The following STK32B variants were observed in gnomAD, a reference collection of about 807,000 sequenced individuals.
STK32B encodes serine/threonine kinase 32B, also known as serine/threonine-protein kinase 32B.
STK32B carries 43 observed loss-of-function variants against 52.6 expected under a neutral mutation model. The observed-to-expected ratio is 0.82, with a 90% CI of 0.64 to 1.05. The LOEUF (loss-of-function observed/expected upper bound fraction) is 1.05, where lower values mean the gene tolerates loss of function less well. Among genes scored for constraint, STK32B ranks in the 50% least tolerant of loss-of-function variants. STK32B has a pLI of 0.00. For missense variants in STK32B, 621 were observed against 534.6 expected (o/e 1.16, Z -1.59); for synonymous variants, 238 against 204.3 (o/e 1.17, Z -1.41).
intron 1 of STK32B, among the ~76,000 whole-genome samples, chr4:5,134,113 A>G (rs1427356346): frequency 5.9e-5 from 9 of 152,222 alleles, no homozygotes; most frequent in Admixed American, 5.9e-4. Context: ...ACAGAGATGC[A>G]TAAACTGGGC....
intron 1 of STK32B, among the ~76,000 whole-genome samples, chr4:5,085,591 C>T (rs1712690245): frequency 6.6e-6 from 1 of 152,152 alleles, no homozygotes; most frequent in African/African-American, 2.4e-5. Context: ...AAACAAACAC[C>T]AACAGGCCAT....
chr4:5,466,763 C>G lies in STK32B; in HGVS notation c.970C>G (p.Pro324Ala). ...ELEEMILESK[P>A]LHKKKKRLAK... ...TGAAGAGATGATTCTAGAATCCAAG[C>G]CACTTCACAAAAAGAAGAAGCGATT... The change falls in exon 10 of 12, where the codon CCA becomes GCA. Residue 324 changes from proline to alanine, a missense_variant. Physicochemically the swap from Pro to Ala is conservative, Grantham distance 27. Transcript: ENST00000282908. 1 of 1,614,024 alleles carries G rather than the reference C, an allele frequency of 6.2e-7. No homozygotes were observed. Among genetic ancestry groups the G allele is most frequent in the Non-Finnish European group, 8.5e-7 (1 of 1,179,970 alleles).
chr4:5,091,034 C>T (rs1411772488), intron 1 of STK32B, among the ~76,000 whole-genome samples: 1 of 152,068 alleles, frequency 6.6e-6, no homozygotes, highest in East Asian at 1.9e-4. Context: ...GTAAATTCTA[C>T]AAACATTTAA....
At chr4:5,270,277 C>G (rs1727337972) in intron 3 of STK32B, among the ~76,000 whole-genome samples, 1 of 152,160 alleles carries the variant, frequency 6.6e-6, no homozygotes, top group South Asian at 2.1e-4. Context: ...CAGTTTGAGT[C>G]CCAAAGCTGA....
intron 11 of STK32B, among the ~76,000 whole-genome samples, chr4:5,484,025 G>A (rs1251752398): frequency 6.6e-6 from 1 of 152,134 alleles, no homozygotes; most frequent in Non-Finnish European, 1.5e-5. Context: ...GTCAATTTTG[G>A]AATAGGTGTG....
chr4:5,343,817 G>A (rs572720256), intron 4 of STK32B, among the ~76,000 whole-genome samples: 3 of 152,290 alleles, frequency 2.0e-5, no homozygotes, highest in Admixed American at 6.5e-5. Flanking sequence ...TGGGAAGCTA[G>A]CTCCTGAAAA....
intron 11 of STK32B, among the ~76,000 whole-genome samples, chr4:5,488,959 T>C (rs1719455399): frequency 6.6e-6 from 1 of 152,096 alleles, no homozygotes; most frequent in Admixed American, 6.5e-5. Flanking sequence ...TTATATTTTA[T>C]ATACAGAATG....
At chr4:5,089,927 T>C (rs1421620437) in intron 1 of STK32B, among the ~76,000 whole-genome samples, 1 of 152,226 alleles carries the variant, frequency 6.6e-6, no homozygotes, top group Non-Finnish European at 1.5e-5. Context: ...TGAGATGGTA[T>C]CTCATTGTGG....
chr4:5,071,056 C>T (rs1014443434), intron 1 of STK32B, among the ~76,000 whole-genome samples: 6 of 152,144 alleles, frequency 3.9e-5, no homozygotes, highest in African/African-American at 1.4e-4. Flanking sequence ...CCGGGCCCTC[C>T]TGAGTGCAGA....
chr4:5,385,467 G>A (rs1041698196), intron 4 of STK32B, among the ~76,000 whole-genome samples: 64 of 146,588 alleles, frequency 4.4e-4, no homozygotes, highest in African/African-American at 1.5e-3. Flanking sequence ...GGGTTTTGGC[G>A]TTTGGCTGGG....
chr4:5,385,504 G>A (rs1446338141), intron 4 of STK32B, among the ~76,000 whole-genome samples: 1 of 152,014 alleles, frequency 6.6e-6, no homozygotes, highest in African/African-American at 2.4e-5. Flanking sequence ...GCTCCCACAA[G>A]TGGAGATGGC....
chr4:5,099,444 GTGTGTGCGCGCGCGCGTATGTGA>G (rs1249062525), intron 1 of STK32B, among the ~76,000 whole-genome samples: 1 of 116,716 alleles, frequency 8.6e-6, no homozygotes, highest in Non-Finnish European at 1.7e-5. Context: ...GTGTGTGTGT[GTGTGTGCGCGCGCGCGTATGTGA>G]TGTGTTCACA....
At position 5,388,062 on chromosome 4, in the gene STK32B, A is replaced by G. The variant is rs536739486; in HGVS notation, c.435-10145A>G. On this transcript the variant is annotated intron_variant, in intron 4 of 11. Transcript: ENST00000282908. ...TCCCGGCCACTTCTGCCACTTTTTA[A>G]CTATGACCATGGAGAAGTCGCTTCA... Among the ~76,000 whole-genome samples, 49 of 152,208 alleles carry G rather than the reference A, an allele frequency of 3.2e-4. 2 individuals are homozygous for G. Among genetic ancestry groups the G allele is most frequent in the Non-Finnish European group, 1.5e-4 (10 of 67,988 alleles).
intron 3 of STK32B, among the ~76,000 whole-genome samples, chr4:5,203,386 T>A (rs950590436): frequency 6.6e-6 from 1 of 152,138 alleles, no homozygotes; most frequent in Non-Finnish European, 1.5e-5. Flanking sequence ...CAAATGCAGC[T>A]CTTTCCCCTC....
intron 3 of STK32B, among the ~76,000 whole-genome samples, chr4:5,186,745 C>T (rs1720769627): frequency 6.6e-6 from 1 of 152,194 alleles, no homozygotes; most frequent in South Asian, 2.1e-4. Flanking sequence ...CCCATGGTAA[C>T]ACCCATAAAT....
intron 7 of STK32B, among the ~76,000 whole-genome samples, chr4:5,452,780 T>A (rs1001650853): frequency 6.6e-6 from 1 of 151,934 alleles, no homozygotes; most frequent in Non-Finnish European, 1.5e-5. Context: ...ATTGGCAAAA[T>A]TTTTTTTAGA....
intron 3 of STK32B, among the ~76,000 whole-genome samples, chr4:5,258,010 C>G (rs1414279805): frequency 6.6e-6 from 1 of 152,098 alleles, no homozygotes; most frequent in Non-Finnish European, 1.5e-5. Context: ...GTCAGACTTC[C>G]CGAGTTCAAA....
At chr4:5,200,542 C>A (rs555178346) in intron 3 of STK32B, among the ~76,000 whole-genome samples, 1 of 152,100 alleles carries the variant, frequency 6.6e-6, no homozygotes, top group Admixed American at 6.6e-5. Flanking sequence ...AGGGATCGTG[C>A]GGCAGATGGG....
At position 5,331,317 on chromosome 4, in the gene STK32B, G is replaced by A; in HGVS notation, c.358G>A (p.Glu120Lys). Residue 120 changes from glutamate to lysine, a missense_variant, in exon 4 of 12, where the codon GAG becomes AAG. Physicochemically the swap from Glu to Lys is moderately conservative, Grantham distance 56. Coordinates refer to ENST00000282908, the MANE Select transcript of STK32B (RefSeq NM_018401.3). ...YHLQQNVHFT[E>K]GTVKLYICEL... ...TCTGCAGCAGAATGTGCATTTCACA[G>A]AGGGGACTGTGAAACTCTACATCTG... 6.2e-7 allele frequency: 1 copy of A among 1,613,996 alleles called. No individual in the cohort carries two copies. The highest frequency in any genetic ancestry group is 1.1e-5 in the South Asian group (1 of 91,054).
Sources: allele counts gnomAD v4.1 joint callset (sites outside exome capture counted in the v4.1 genomes callset), GRCh38; gene constraint gnomAD v4.1.1; transcripts MANE v1.5; gene names NCBI Gene and HGNC (gene_info 2026-07-23, HGNC 2026-07-21).